Variants in PTK2B observed in about 807,000 individuals in gnomAD.
PTK2B encodes protein tyrosine kinase 2 beta.
PTK2B carries 71 observed loss-of-function variants against 142.9 expected under a neutral mutation model. That is an observed-to-expected ratio of 0.50 (90% CI 0.41 to 0.61). The LOEUF (loss-of-function observed/expected upper bound fraction) is 0.61. PTK2B is among the 20% of genes least tolerant of loss of function. The pLI, the probability that PTK2B is intolerant of heterozygous loss-of-function variation, is 0.00. For missense variants in PTK2B, 1,105 were observed against 1,320.4 expected (o/e 0.84, Z 2.53); for synonymous variants, 519 against 503.4 (o/e 1.03, Z -0.42).
intron 1 of PTK2B, among the ~76,000 whole-genome samples, chr8:27,375,150 CATG>C (rs1806590290): frequency 6.6e-6 from 1 of 152,224 alleles, no homozygotes; most frequent in Non-Finnish European, 1.5e-5. Flanking sequence ...ATCTCACAAT[CATG>C]AGGAGGACAT....
rs375230281 is a variant in PTK2B at position 27,451,072 on chromosome 8, C to T, written c.2517C>T (p.Ser839=). 7 of 1,612,370 alleles carry T rather than the reference C, an allele frequency of 4.3e-6. No homozygotes were observed. In the African/African-American group the frequency reaches 8.0e-5, roughly 18 times the overall value. Residue 839 remains serine, a synonymous_variant, in exon 26 of 31, where the codon TCC becomes TCT. Coordinates refer to ENST00000346049, the MANE Select transcript of PTK2B (RefSeq NM_173176.3). The part of the protein sequence containing the change: ...LDPMVYMNDK[S]PLTPEKEVGY... Reference sequence around the variant, plus strand: ...CCATGGTTTATATGAATGATAAGTCCCCATTGGTGAGTTGCCAGGAGAGGC... The same window carrying T: ...CCATGGTTTATATGAATGATAAGTCTCCATTGGTGAGTTGCCAGGAGAGGC...
chr8:27,357,579 CTTG>C (rs1376568459), intron 1 of PTK2B, among the ~76,000 whole-genome samples: 2 of 152,238 alleles, frequency 1.3e-5, no homozygotes. Context: ...AATTGGGTCT[CTTG>C]TTGTGAAACT....
chr8:27,376,414 G>C (rs538147973), intron 1 of PTK2B, among the ~76,000 whole-genome samples: 1 of 152,226 alleles, frequency 6.6e-6, no homozygotes, highest in Non-Finnish European at 1.5e-5. Context: ...GGACTGGAAT[G>C]ATCTTGAACC....
At chr8:27,356,988 T>G (rs192205116) in intron 1 of PTK2B, among the ~76,000 whole-genome samples, 2 of 152,314 alleles carry the variant, frequency 1.3e-5, no homozygotes, top group Non-Finnish European at 2.9e-5. Flanking sequence ...ACTGTGGTGA[T>G]GGTCTCATGA....
At position 27,458,327 on chromosome 8, in the gene PTK2B, C is replaced by G; in HGVS notation, c.2848C>G (p.Leu950Val). 3 of 1,614,172 alleles carry G rather than the reference C, an allele frequency of 1.9e-6. No individual in the cohort carries two copies. Among genetic ancestry groups the G allele is most frequent in the Non-Finnish European group, 2.5e-6 (3 of 1,180,018 alleles). ...CACCCAGAAACTGCTCAACAAAGAC[C>G]TGGCAGAGCTCATCAACAAGATGCG... ...EGTQKLLNKDLAELINKMRLA... is the reference protein window; with the variant it reads ...EGTQKLLNKDVAELINKMRLA... The change falls in exon 31 of 31, where the codon CTG (leucine) becomes GTG (valine). Residue 950 changes from leucine (L) to valine (V), a missense_variant. Coordinates refer to ENST00000346049, the MANE Select transcript of PTK2B (RefSeq NM_173176.3).
At chr8:27,397,477 G>C (rs1308972102) in intron 1 of PTK2B, 71 bp from the exon 2 acceptor site, 7 of 1,209,596 alleles carry the variant, frequency 5.8e-6, no homozygotes, top group Non-Finnish European at 7.2e-6. Context: ...GGTGGGTGCT[G>C]TCCCTGGGGC....
At chr8:27,321,689 C>T (rs547145401), upstream of PTK2B, among the ~76,000 whole-genome samples, 6 of 152,274 alleles carry the variant, frequency 3.9e-5, no homozygotes, top group African/African-American at 1.2e-4. Flanking sequence ...TCAACCATTG[C>T]GGAGAACTTA....
At chr8:27,318,856 G>A (rs766156516) in intron 3 of PTK2B, among the ~76,000 whole-genome samples, 13 of 151,996 alleles carry the variant, frequency 8.6e-5, no homozygotes, top group Non-Finnish European at 1.3e-4. Flanking sequence ...TCACCATGTC[G>A]GCCAGGCTGG....
chr8:27,320,980 CTTTTTT>C (rs776395346), upstream of PTK2B, among the ~76,000 whole-genome samples: 482 of 39,328 alleles, frequency 0.012, 2 homozygotes, highest in East Asian at 0.035. Flanking sequence ...ATACAAAAGG[CTTTTTT>C]TTTTTTTTTT....
chr8:27,422,168 C>T (rs1229712934), intron 4 of PTK2B, 136 bp from the exon 5 acceptor site: 4 of 780,256 alleles, frequency 5.1e-6, no homozygotes, highest in Admixed American at 3.1e-5. Context: ...TCCATCCCTG[C>T]TCCATGCTTG....
At chr8:27,438,972 G>A (rs1810975683) in intron 18 of PTK2B, 59 bp from the exon 19 acceptor site, 1 of 1,452,952 alleles carries the variant, frequency 6.9e-7, no homozygotes, top group Admixed American at 1.7e-5. Context: ...CCATCTCTCT[G>A]TTCCTGCTCC....
At chr8:27,318,100 A>G (rs1343493069) in intron 3 of PTK2B, among the ~76,000 whole-genome samples, 1 of 152,178 alleles carries the variant, frequency 6.6e-6, no homozygotes, top group African/African-American at 2.4e-5. Context: ...AAGTAATAGG[A>G]GTTAATGAAG....
rs577232899 is a variant in PTK2B, at chr8:27,371,660, G to A, written c.-37-25888G>A. ...CCCTCTGAGTTCAAGCAATTCTCCTGCCTCGGCATCCCAAGTAGCTGGTAT... is the reference window on the plus strand; with the variant it reads ...CCCTCTGAGTTCAAGCAATTCTCCTACCTCGGCATCCCAAGTAGCTGGTAT... On this transcript the variant is annotated intron_variant, in intron 1 of 30. Coordinates refer to ENST00000346049, the MANE Select transcript of PTK2B (RefSeq NM_173176.3). Among the ~76,000 whole-genome samples, 6 of 152,094 alleles carry A rather than the reference G, an allele frequency of 3.9e-5. No homozygotes were observed. In the East Asian group the frequency reaches 1.2e-3, roughly 29 times the overall value.
upstream of PTK2B, chr8:27,311,181 ACTC>A: frequency 6.2e-7 from 1 of 1,604,328 alleles, no homozygotes; most frequent in Non-Finnish European, 8.5e-7. Context: ...GCGCAGAGCA[ACTC>A]CTCCTTGAAG....
chr8:27,351,051 A>T (rs1805064420), intron 1 of PTK2B, among the ~76,000 whole-genome samples: 1 of 116,634 alleles, frequency 8.6e-6, no homozygotes, highest in East Asian at 2.6e-4. Flanking sequence ...ACGTGCTTGG[A>T]GCAGGCACAG....
intron 1 of PTK2B, among the ~76,000 whole-genome samples, chr8:27,350,603 T>A (rs1804989903): frequency 6.6e-6 from 1 of 152,094 alleles, no homozygotes; most frequent in Non-Finnish European, 1.5e-5. Context: ...GGGGAACTCC[T>A]GCTTCGTAAT....
chr8:27,429,828 T>G (rs1810298293), intron 5 of PTK2B, among the ~76,000 whole-genome samples: 1 of 152,200 alleles, frequency 6.6e-6, no homozygotes, highest in African/African-American at 2.4e-5. Context: ...GGAGCCACCA[T>G]CTTCCTCCTC....
chr8:27,432,134 G>C (rs1810469634), intron 9 of PTK2B, 126 bp from the exon 10 acceptor site: 2 of 790,148 alleles, frequency 2.5e-6, no homozygotes, highest in African/African-American at 3.4e-5. Flanking sequence ...AATAGTGTTT[G>C]ATTCTCTCTT....
intron 4 of PTK2B, among the ~76,000 whole-genome samples, chr8:27,421,591 T>G (rs1809758783): frequency 6.6e-6 from 1 of 152,246 alleles, no homozygotes; most frequent in South Asian, 2.1e-4. Flanking sequence ...CTTAGAATAA[T>G]GGTCTCCAAC....
Sources: allele counts gnomAD v4.1 joint callset (sites outside exome capture counted in the v4.1 genomes callset), GRCh38; gene constraint gnomAD v4.1.1; transcripts MANE v1.5; gene names NCBI Gene and HGNC (gene_info 2026-07-23, HGNC 2026-07-21).